The following LUZP2 variants were observed in gnomAD, a reference collection of about 807,000 sequenced individuals.
LUZP2 encodes the protein leucine zipper protein 2.
LUZP2 carries 52 observed loss-of-function variants against 51.6 expected under a neutral mutation model. That is an observed-to-expected ratio of 1.01 (90% CI 0.81 to 1.27). The LOEUF is 1.27. LUZP2 is among the 50% of genes most tolerant of loss of function. The pLI is 0.00. For synonymous variants in LUZP2, 154 were observed against 137.3 expected (o/e 1.12, Z -0.85); for missense variants, 436 against 395.4 (o/e 1.10, Z -0.87).
chr11:24,897,304 A>G (rs1444893604), intron 5 of LUZP2, among the ~76,000 whole-genome samples: 1 of 152,188 alleles, frequency 6.6e-6, no homozygotes, highest in Non-Finnish European at 1.5e-5. Context: ...AGGCTGCAGG[A>G]GCCAGTAGTA....
At chr11:24,914,447 C>T in intron 6 of LUZP2, 29 bp from the exon 7 acceptor site, 6 of 1,520,626 alleles carry the variant, frequency 3.9e-6, no homozygotes, top group Non-Finnish European at 3.6e-6. Context: ...AAATGAGTTA[C>T]ACAACTTATC....
At chr11:24,742,047 A>G (rs1859197127) in intron 4 of LUZP2, among the ~76,000 whole-genome samples, 1 of 118,204 alleles carries the variant, frequency 8.5e-6, no homozygotes, top group South Asian at 2.8e-4. Context: ...ATACATAAAA[A>G]TAAATATAAT....
intron 1 of LUZP2, among the ~76,000 whole-genome samples, chr11:24,564,400 G>A (rs1423625597): frequency 6.6e-6 from 1 of 152,036 alleles, no homozygotes; most frequent in East Asian, 1.9e-4. Flanking sequence ...CAGGCTTATA[G>A]AAATAAGGCA....
chr11:25,001,863 C>A (rs939407510), intron 9 of LUZP2, among the ~76,000 whole-genome samples: 1 of 151,990 alleles, frequency 6.6e-6, no homozygotes, highest in Non-Finnish European at 1.5e-5. Context: ...CTCTGACTTC[C>A]TGTCTCTTTC....
At chr11:24,831,048 A>G (rs772829522) in intron 5 of LUZP2, among the ~76,000 whole-genome samples, 1 of 152,188 alleles carries the variant, frequency 6.6e-6, no homozygotes, top group Non-Finnish European at 1.5e-5. Context: ...AAGCAAGGCT[A>G]AGAGTCAAAC....
intron 1 of LUZP2, among the ~76,000 whole-genome samples, chr11:24,627,688 A>C (rs1457028746): frequency 6.6e-6 from 1 of 152,158 alleles, no homozygotes; most frequent in Non-Finnish European, 1.5e-5. Context: ...TTTCCCTGCA[A>C]AATGGAACCT....
intron 1 of LUZP2, among the ~76,000 whole-genome samples, chr11:24,578,991 T>C (rs1210866061): frequency 6.6e-6 from 1 of 152,220 alleles, no homozygotes; most frequent in South Asian, 2.1e-4. Context: ...GAAATTGTAA[T>C]CTTTATAGAA....
chr11:24,982,318 T>C (rs895636623), intron 8 of LUZP2, among the ~76,000 whole-genome samples: 2 of 151,842 alleles, frequency 1.3e-5, no homozygotes, highest in African/African-American at 4.8e-5. Flanking sequence ...TGAGTGATCA[T>C]TGCAGCACTA....
At chr11:24,867,038 C>T (rs1213941192) in intron 5 of LUZP2, among the ~76,000 whole-genome samples, 1 of 152,132 alleles carries the variant, frequency 6.6e-6, no homozygotes, top group Non-Finnish European at 1.5e-5. Flanking sequence ...TTCAACTTGA[C>T]TTCAAAAAGC....
At chr11:24,517,223 C>T (rs954565931) in intron 1 of LUZP2, among the ~76,000 whole-genome samples, 2 of 151,918 alleles carry the variant, frequency 1.3e-5, no homozygotes, top group African/African-American at 2.4e-5. Context: ...CGATGGTTCA[C>T]GCCTGTAACC....
At chr11:24,723,389 T>C (rs1858352394) in intron 1 of LUZP2, among the ~76,000 whole-genome samples, 1 of 152,208 alleles carries the variant, frequency 6.6e-6, no homozygotes, top group Non-Finnish European at 1.5e-5. Flanking sequence ...CATAAACGTG[T>C]TTATATGTTA....
At chr11:25,062,874 CATT>C (rs1339995922) in intron 10 of LUZP2, among the ~76,000 whole-genome samples, 4 of 151,418 alleles carry the variant, frequency 2.6e-5, no homozygotes, top group African/African-American at 9.7e-5. Flanking sequence ...AATATTTTAT[CATT>C]ATTTAGTTAA....
At chr11:24,917,682 C>G (rs927058780) in intron 7 of LUZP2, among the ~76,000 whole-genome samples, 11 of 151,492 alleles carry the variant, frequency 7.3e-5, no homozygotes, top group African/African-American at 2.7e-4. Context: ...CTGTTCTGTT[C>G]CATTGGTCTA....
At chr11:24,977,266 G>C (rs550054067) in intron 8 of LUZP2, among the ~76,000 whole-genome samples, 6 of 151,546 alleles carry the variant, frequency 4.0e-5, no homozygotes, top group Admixed American at 6.6e-5. Flanking sequence ...ATACATAAAT[G>C]TGTTTTATCA....
intron 7 of LUZP2, among the ~76,000 whole-genome samples, chr11:24,927,456 G>T (rs1346864640): frequency 1.3e-5 from 2 of 151,824 alleles, no homozygotes; most frequent in Non-Finnish European, 2.9e-5. Context: ...GGAGTATCCA[G>T]TTTCATTCTC....
intron 1 of LUZP2, among the ~76,000 whole-genome samples, chr11:24,565,584 A>T (rs76832845): frequency 3.2e-3 from 487 of 152,322 alleles, no homozygotes; most frequent in Non-Finnish European, 4.6e-3. Flanking sequence ...ATATGTAATA[A>T]AATCTAGCTT....
chr11:24,517,768 G>A (rs1318297), intron 1 of LUZP2, among the ~76,000 whole-genome samples: 15,882 of 151,928 alleles, frequency 0.1, 1,304 homozygotes, highest in African/African-American at 0.23. Context: ...TTGAAAAATG[G>A]CATCATTTTG....
At chr11:25,065,999 TAGTA>T (rs1300361010) in intron 10 of LUZP2, among the ~76,000 whole-genome samples, 2 of 151,990 alleles carry the variant, frequency 1.3e-5, no homozygotes, top group Admixed American at 1.3e-4. Context: ...AGCACACAAA[TAGTA>T]AGAGGAACAA....
chr11:24,606,254 C>T (rs531778944), intron 1 of LUZP2, among the ~76,000 whole-genome samples: 93 of 151,786 alleles, frequency 6.1e-4, no homozygotes, highest in Admixed American at 2.6e-3. Flanking sequence ...AAAAGCAATG[C>T]ACATTCAGTA....
Sources: gnomAD v4.1 joint callset for allele counts (sites outside exome capture counted in the v4.1 genomes callset) on GRCh38, gnomAD v4.1.1 for gene constraint, MANE v1.5 for transcripts, NCBI Gene and HGNC (gene_info 2026-07-23, HGNC 2026-07-21) for gene names.